The following GRM7 variants were observed in gnomAD, a reference collection of about 807,000 sequenced individuals.
GRM7 encodes the protein metabotropic glutamate receptor 7.
In GRM7, 35 loss-of-function variants were observed where a neutral mutation model predicts 84.5. The ratio of observed to expected loss-of-function variants is 0.41; its 90% CI spans 0.32 to 0.55. The LOEUF is 0.55. Among genes scored for constraint, GRM7 ranks in the 20% least tolerant of loss-of-function variants. The pLI, the probability that GRM7 is intolerant of heterozygous loss-of-function variation, is 0.19. For synonymous variants in GRM7, 487 were observed against 455.1 expected (o/e 1.07, Z -0.89); for missense variants, 1,003 against 1,194.6 (o/e 0.84, Z 2.36).
intron 8 of GRM7, among the ~76,000 whole-genome samples, chr3:7,647,879 A>T (rs1318677911): frequency 6.6e-6 from 1 of 152,220 alleles, no homozygotes; most frequent in East Asian, 1.9e-4. Context: ...GAAAGAAAAT[A>T]AAAAGTGCCC....
chr3:6,935,500 C>T (rs186845223), intron 1 of GRM7, among the ~76,000 whole-genome samples: 134 of 151,856 alleles, frequency 8.8e-4, no homozygotes, highest in African/African-American at 3.1e-3. Flanking sequence ...GTGACAGTTT[C>T]TGGTTTATTG....
intron 4 of GRM7, among the ~76,000 whole-genome samples, chr3:7,384,154 G>T (rs1694696575): frequency 6.6e-6 from 1 of 152,088 alleles, no homozygotes; most frequent in African/African-American, 2.4e-5. Flanking sequence ...TCAGCCTCCT[G>T]AGTAGCTGGG....
At chr3:7,435,365 A>G (rs2124858215) in intron 5 of GRM7, among the ~76,000 whole-genome samples, 1 of 152,086 alleles carries the variant, frequency 6.6e-6, no homozygotes, top group South Asian at 2.1e-4. Context: ...GGGTTTTCAC[A>G]GGCTGATCTC....
intron 4 of GRM7, among the ~76,000 whole-genome samples, chr3:7,366,484 G>A (rs944361466): frequency 6.6e-6 from 1 of 151,824 alleles, no homozygotes; most frequent in Non-Finnish European, 1.5e-5. Flanking sequence ...TTTGAGTGAA[G>A]TATATTAATA....
At chr3:7,458,254 G>A (rs1431330042) in intron 6 of GRM7, among the ~76,000 whole-genome samples, 1 of 152,110 alleles carries the variant, frequency 6.6e-6, no homozygotes, top group Non-Finnish European at 1.5e-5. Context: ...CATCTTGTCA[G>A]GTGACCCTAT....
In GRM7 at chr3:7,457,427, T is replaced by C. The variant is rs78999356; in HGVS notation, c.1376-4156T>C. Among the ~76,000 whole-genome samples, 59 of 152,298 alleles carry C rather than the reference T, an allele frequency of 3.9e-4. No homozygotes were observed. The East Asian group carries it at 5.2e-3, about 13-fold the overall frequency. ...TAAATTCATTTTAGTTATCTTTATG[T>C]TGGCCCATCAAATATAAATTTAAGT... On this transcript the variant is annotated intron_variant, in intron 6 of 9. Transcript: ENST00000357716.
At chr3:7,628,011 G>T (rs1697695008) in intron 8 of GRM7, among the ~76,000 whole-genome samples, 3 of 152,060 alleles carry the variant, frequency 2.0e-5, no homozygotes, top group African/African-American at 7.2e-5. Flanking sequence ...ATCAGCCTGG[G>T]ACACTCCATC....
chr3:6,918,703 A>G (rs1328407343), intron 1 of GRM7, among the ~76,000 whole-genome samples: 1 of 152,224 alleles, frequency 6.6e-6, no homozygotes, highest in Non-Finnish European at 1.5e-5. Flanking sequence ...AGAAGTCAGT[A>G]GAGCTGAGAA....
intron 7 of GRM7, among the ~76,000 whole-genome samples, chr3:7,516,642 C>T (rs367641039): frequency 3.9e-5 from 6 of 152,022 alleles, no homozygotes; most frequent in East Asian, 1.9e-4. Flanking sequence ...GAGCATTCAG[C>T]GAGGACTAGA....
intron 1 of GRM7, among the ~76,000 whole-genome samples, chr3:6,964,852 C>T (rs908676322): frequency 2.0e-5 from 3 of 152,188 alleles, no homozygotes; most frequent in East Asian, 1.9e-4. Context: ...TTAGCGTTCT[C>T]CCTGTCTTCT....
intron 4 of GRM7, among the ~76,000 whole-genome samples, chr3:7,355,180 T>C (rs779699101): frequency 6.6e-6 from 1 of 152,148 alleles, no homozygotes; most frequent in Non-Finnish European, 1.5e-5. Context: ...ATATTTCCTA[T>C]AAAGTGAAGA....
chr3:6,978,584 G>T (rs1277754952), intron 1 of GRM7, among the ~76,000 whole-genome samples: 3 of 152,112 alleles, frequency 2.0e-5, no homozygotes, highest in Non-Finnish European at 4.4e-5. Flanking sequence ...TTAGTCAAAT[G>T]AATGCTGGGT....
At chr3:7,166,810 A>G (rs1463332436) in intron 2 of GRM7, among the ~76,000 whole-genome samples, 1 of 152,204 alleles carries the variant, frequency 6.6e-6, no homozygotes, top group Non-Finnish European at 1.5e-5. Flanking sequence ...TCGTCCCAGG[A>G]TTCCTGCTTA....
chr3:7,496,583 A>G (rs964500317), intron 7 of GRM7, among the ~76,000 whole-genome samples: 21 of 152,192 alleles, frequency 1.4e-4, no homozygotes, highest in Non-Finnish European at 2.9e-5. Context: ...GAAGTACATC[A>G]TTGCATTATT....
At chr3:7,509,815 C>T (rs1160897935) in intron 7 of GRM7, among the ~76,000 whole-genome samples, 2 of 137,644 alleles carry the variant, frequency 1.5e-5, no homozygotes, top group Non-Finnish European at 3.1e-5. Context: ...GGACAGACCT[C>T]CAAAATCTAA....
rs1039257909 is a variant in GRM7, at chr3:7,486,762, A to G, written c.1515+25040A>G. Among the ~76,000 whole-genome samples the G allele has an allele frequency of 1.3e-5, 2 of 152,182 alleles. No individual in the cohort carries two copies. Among genetic ancestry groups the G allele is most frequent in the African/African-American group, 4.8e-5 (2 of 41,446 alleles). ...TATGCAGCCTCAGGTATTCTACTAC[A>G]GCAACACCAAAGAAACTAAGAAAAT... is the stretch of plus-strand genomic sequence containing the variant. On this transcript the variant is annotated intron_variant, in intron 7 of 9. Coordinates refer to ENST00000357716, the MANE Select transcript of GRM7 (RefSeq NM_000844.4). This position sits in a 1 kb window ranked among gnomAD's most constrained non-coding sequence, Gnocchi z 5.5.
intron 1 of GRM7, among the ~76,000 whole-genome samples, chr3:6,881,825 T>G (rs1695521319): frequency 6.6e-6 from 1 of 152,128 alleles, no homozygotes; most frequent in Non-Finnish European, 1.5e-5. Context: ...ATCCTAAGCC[T>G]TATCTCAACA....
intron 8 of GRM7, among the ~76,000 whole-genome samples, chr3:7,643,202 T>G (rs1369940946): frequency 6.6e-6 from 1 of 152,180 alleles, no homozygotes; most frequent in Non-Finnish European, 1.5e-5. Flanking sequence ...GTACCAGAGC[T>G]CTGGCTTCAA....
At chr3:7,168,160 A>G (rs1455271300) in intron 2 of GRM7, among the ~76,000 whole-genome samples, 4 of 152,098 alleles carry the variant, frequency 2.6e-5, no homozygotes, top group African/African-American at 9.7e-5. Context: ...TTAGTTTCTC[A>G]GCATTTATAA....
Sources: gnomAD v4.1 joint callset for allele counts (sites outside exome capture counted in the v4.1 genomes callset) on GRCh38, gnomAD v4.1.1 for gene constraint, Gnocchi (gnomAD v3.1) non-coding constraint, MANE v1.5 for transcripts, NCBI Gene and HGNC (gene_info 2026-07-23, HGNC 2026-07-21) for gene names.